PCDH15: variants seen among roughly 807,000 people sequenced by gnomAD.
PCDH15 encodes protocadherin-15.
Under a neutral mutation model 178.5 loss-of-function variants are expected in PCDH15, and 129 were observed. The ratio of observed to expected loss-of-function variants is 0.72; its 90% CI spans 0.63 to 0.84. PCDH15 has a LOEUF of 0.84. Ranked by LOEUF, PCDH15 falls within the 40% of genes least tolerant of loss-of-function variation. The pLI is 0.00. For missense variants in PCDH15, 2,230 were observed against 2,099.9 expected (o/e 1.06, Z -1.21); for synonymous variants, 800 against 732.0 (o/e 1.09, Z -1.50).
chr10:54,844,551 C>G (rs2131755928), intron 3 of PCDH15, among the ~76,000 whole-genome samples: 1 of 152,006 alleles, frequency 6.6e-6, no homozygotes, highest in South Asian at 2.1e-4. Context: ...CTCACTCCTG[C>G]TTTGGTGGAT....
chr10:55,073,738 T>C (rs1300996945), intron 2 of PCDH15, among the ~76,000 whole-genome samples: 2 of 152,150 alleles, frequency 1.3e-5, no homozygotes, highest in East Asian at 1.9e-4. Flanking sequence ...TTATTCTTTA[T>C]ACATTTGGGA....
At chr10:55,243,897 T>C (rs1018595622) in intron 1 of PCDH15, among the ~76,000 whole-genome samples, 5 of 152,182 alleles carry the variant, frequency 3.3e-5, no homozygotes, top group Non-Finnish European at 5.9e-5. Flanking sequence ...GAATGGCTAC[T>C]TCTCACTTAG....
chr10:55,617,856 T>A (rs1843510560), intron 2 of PCDH15, among the ~76,000 whole-genome samples: 1 of 152,016 alleles, frequency 6.6e-6, no homozygotes, highest in Admixed American at 6.6e-5. Flanking sequence ...TAGACTTTGT[T>A]TTCCATCTAA....
chr10:54,228,362 G>T (rs1193020906), intron 9 of PCDH15, among the ~76,000 whole-genome samples: 1 of 152,044 alleles, frequency 6.6e-6, no homozygotes, highest in Non-Finnish European at 1.5e-5. Context: ...AAAATCATCA[G>T]ATCTTGTGAG....
At chr10:54,826,292 T>G (rs114606619) in intron 3 of PCDH15, among the ~76,000 whole-genome samples, 1 of 151,998 alleles carries the variant, frequency 6.6e-6, no homozygotes, top group African/African-American at 2.4e-5. Context: ...ATCAGCTATA[T>G]TGCTTTGTGG....
chr10:54,560,714 A>T (rs928894636), intron 2 of PCDH15, among the ~76,000 whole-genome samples: 4 of 152,078 alleles, frequency 2.6e-5, no homozygotes, highest in African/African-American at 9.7e-5. Context: ...TTATGTTATA[A>T]AATAAAACTT....
chr10:54,246,803 CTCTT>C (rs2055983709), intron 8 of PCDH15, among the ~76,000 whole-genome samples: 1 of 151,926 alleles, frequency 6.6e-6, no homozygotes. Context: ...AGAATTCTAA[CTCTT>C]TCACATCTTT....
At chr10:55,283,573 A>G (rs1842789535) in intron 1 of PCDH15, among the ~76,000 whole-genome samples, 1 of 151,342 alleles carries the variant, frequency 6.6e-6, no homozygotes, top group Admixed American at 6.6e-5. Context: ...TACTTTTCTT[A>G]TTACTATTCT....
intron 8 of PCDH15, 45 bp downstream of exon 8, chr10:54,317,226 T>A: frequency 6.3e-7 from 1 of 1,587,348 alleles, no homozygotes; most frequent in Non-Finnish European, 8.6e-7. Flanking sequence ...TCCCATTGGG[T>A]TTTAAAACAT....
intron 1 of PCDH15, among the ~76,000 whole-genome samples, chr10:54,726,769 C>T (rs115586963): frequency 0.12 from 18,259 of 150,748 alleles, 1,219 homozygotes; most frequent in African/African-American, 0.17. Context: ...ATCAAAAGCA[C>T]TACACAGCAG....
At chr10:55,054,877 T>C (rs11004707) in intron 2 of PCDH15, among the ~76,000 whole-genome samples, 4,148 of 152,268 alleles carry the variant, frequency 0.027, 283 homozygotes, top group East Asian at 0.22. Context: ...TGTTTTCTTC[T>C]TGTAATTTGT....
chr10:54,921,154 T>C (rs148604861), intron 2 of PCDH15, among the ~76,000 whole-genome samples: 101 of 152,278 alleles, frequency 6.6e-4, no homozygotes, highest in Non-Finnish European at 1.2e-3. Context: ...AGAGTTAAAT[T>C]CTTGCATCTT....
intron 1 of PCDH15, among the ~76,000 whole-genome samples, chr10:54,750,916 G>T (rs1036711357): frequency 1.1e-4 from 16 of 151,952 alleles, no homozygotes; most frequent in Non-Finnish European, 1.9e-4. Flanking sequence ...ATTAATAGTG[G>T]TTATATCTAG....
intron 3 of PCDH15, among the ~76,000 whole-genome samples, chr10:54,475,995 AC>A: frequency 6.8e-6 from 1 of 147,388 alleles, no homozygotes; most frequent in East Asian, 2.1e-4. Flanking sequence ...TGATATATAT[AC>A]ATATATGCAT....
At chr10:54,830,054 C>T (rs1267552864) in intron 3 of PCDH15, among the ~76,000 whole-genome samples, 1 of 151,964 alleles carries the variant, frequency 6.6e-6, no homozygotes, top group African/African-American at 2.4e-5. Flanking sequence ...ATTCTATTAC[C>T]TCAACATTGA....
intron 3 of PCDH15, among the ~76,000 whole-genome samples, chr10:54,866,182 G>T (rs984555221): frequency 1.3e-5 from 2 of 152,138 alleles, no homozygotes; most frequent in Non-Finnish European, 2.9e-5. Flanking sequence ...TTTAGTTCAT[G>T]CGTTAAATTA....
chr10:54,747,331 A>G (rs1201747879), intron 1 of PCDH15, among the ~76,000 whole-genome samples: 4 of 152,252 alleles, frequency 2.6e-5, no homozygotes, highest in Admixed American at 6.5e-5. Context: ...CCCTTTCTCT[A>G]TGCTTTCCTA....
intron 3 of PCDH15, among the ~76,000 whole-genome samples, chr10:54,517,210 A>G (rs1015695014): frequency 3.3e-5 from 5 of 152,164 alleles, no homozygotes; most frequent in East Asian, 1.9e-4. Flanking sequence ...ACACATAACA[A>G]TATTAACTTT....
At chr10:54,258,821 A>T (rs1371615607) in intron 8 of PCDH15, among the ~76,000 whole-genome samples, 1 of 152,132 alleles carries the variant, frequency 6.6e-6, no homozygotes, top group African/African-American at 2.4e-5. Flanking sequence ...TAATATTGTG[A>T]AAAAAACAAT....
Sources: allele counts gnomAD v4.1 joint callset (sites outside exome capture counted in the v4.1 genomes callset), GRCh38; gene constraint gnomAD v4.1.1; transcripts MANE v1.5; gene names NCBI Gene and HGNC (gene_info 2026-07-23, HGNC 2026-07-21).